Variants in ITPR2 observed in about 807,000 individuals in gnomAD.
The protein encoded by ITPR2 is inositol 1,4,5-trisphosphate-gated calcium channel ITPR2.
In ITPR2, 207 loss-of-function variants were observed where a neutral mutation model predicts 317.1. The observed-to-expected ratio is 0.65, with a 90% confidence interval of 0.58 to 0.73. ITPR2 has a LOEUF of 0.73. Among genes scored for constraint, ITPR2 ranks in the 30% least tolerant of loss-of-function variants. The pLI, the probability that ITPR2 is intolerant of heterozygous loss-of-function variation, is 0.00. For synonymous variants in ITPR2, 1,156 were observed against 1,149.1 expected, an observed-to-expected ratio of 1.01 and a Z score of -0.12; for missense variants, 2,613 against 3,284.0, an observed-to-expected ratio of 0.80 and a Z score of 4.99.
At chr12:26,343,915 G>C (rs1938217932) in intron 55 of ITPR2, among the ~76,000 whole-genome samples, 1 of 152,108 alleles carries the variant, frequency 6.6e-6, no homozygotes, top group Non-Finnish European at 1.5e-5. Context: ...TTGAATGCTT[G>C]TCCCCTCCAA....
At position 26,605,087 on chromosome 12, in the gene ITPR2, CAA is replaced by C. The variant is rs201682839; in HGVS notation, c.3463-2383_3463-2382del. On this transcript the variant is annotated intron_variant, in intron 26 of 56. Coordinates refer to ENST00000381340, the MANE Select transcript of ITPR2 (RefSeq NM_002223.4). ...TGGGCGACAGAGCATGACTCAGTCT[CAA>C]AAAAAAAAAAAATAAAAATAAAAAA... 4.7e-3 allele frequency among the ~76,000 whole-genome samples: 313 copies of C among 66,840 alleles called. 2 individuals carry two copies. The highest frequency in any genetic ancestry group is 0.013 in the African/African-American group (279 of 20,710). The allele number at this position is 66,840 out of a possible 152,430, so 43.8% of individuals were successfully genotyped here. A position where few individuals can be genotyped will look rare whatever the true frequency, so the allele number is the denominator to read the frequency against.
In ITPR2 at chr12:26,631,820, A is replaced by G. The variant is rs754407223; in HGVS notation, c.2934+46T>C. Reference sequence around the variant, plus strand: ...AAAAAGGGTAAGAAGTTAAATCAATAAGCAAAATTACATCTTTGTCACCTA... The same window carrying G: ...AAAAAGGGTAAGAAGTTAAATCAATGAGCAAAATTACATCTTTGTCACCTA... On this transcript the variant is annotated intron_variant, in intron 22 of 56. Transcript: ENST00000381340. 3 of 1,544,338 alleles carry G rather than the reference A, an allele frequency of 1.9e-6. No homozygotes were observed. The East Asian group carries it at 6.8e-5, about 35-fold the overall frequency.
intron 39 of ITPR2, among the ~76,000 whole-genome samples, chr12:26,492,103 T>C (rs758068652): frequency 2.6e-5 from 4 of 151,828 alleles, no homozygotes; most frequent in African/African-American, 9.7e-5. Flanking sequence ...TAAGAAGAAA[T>C]GGTAGGAGGT....
At chr12:26,565,553 A>G (rs2137037655) in intron 34 of ITPR2, among the ~76,000 whole-genome samples, 1 of 149,160 alleles carries the variant, frequency 6.7e-6, no homozygotes, top group Non-Finnish European at 1.5e-5. Flanking sequence ...TAGATAGATA[A>G]TCTGGCTTGC....
chr12:26,342,745 G>C (rs1196903666), intron 55 of ITPR2, among the ~76,000 whole-genome samples: 3 of 152,098 alleles, frequency 2.0e-5, no homozygotes, highest in African/African-American at 7.2e-5. Flanking sequence ...GAGTAGCTGG[G>C]ATTATAGGTG....
chr12:26,533,402 G>A (rs746245346), intron 37 of ITPR2, among the ~76,000 whole-genome samples: 6 of 152,146 alleles, frequency 3.9e-5, no homozygotes, highest in African/African-American at 7.2e-5. Context: ...GTAGATGCCC[G>A]CAAGCTGCTC....
chr12:26,474,484 G>A (rs1012565501), intron 45 of ITPR2, among the ~76,000 whole-genome samples: 3 of 152,146 alleles, frequency 2.0e-5, no homozygotes, highest in Non-Finnish European at 2.9e-5. Context: ...GTTATAAAAT[G>A]GAAACAGTTC....
intron 2 of ITPR2, among the ~76,000 whole-genome samples, chr12:26,768,433 AAT>A (rs1446137346): frequency 1.0e-5 from 1 of 99,346 alleles, no homozygotes; most frequent in African/African-American, 3.4e-5. Flanking sequence ...ATTAAAAAAA[AAT>A]AAAAAATAAA....
At chr12:26,356,282 C>T (rs1034286238) in intron 55 of ITPR2, among the ~76,000 whole-genome samples, 2 of 152,196 alleles carry the variant, frequency 1.3e-5, no homozygotes, top group African/African-American at 2.4e-5. Context: ...TCACCTCCAC[C>T]TTTACTTGGC....
rs140819819 is a variant in ITPR2, at chr12:26,817,103, C to T, written c.92+15587G>A. ...AGCTGAGGCAGGAGAATCACTTGAA[C>T]CCGGGAGGCAGAGGTTGCAGTGAGC... is the stretch of plus-strand genomic sequence containing the variant. On this transcript the variant is annotated intron_variant, in intron 1 of 56. Transcript: ENST00000381340. Among the ~76,000 whole-genome samples, 658 of 150,526 alleles carry T rather than the reference C, an allele frequency of 4.4e-3. 7 individuals are homozygous for T. Among genetic ancestry groups the T allele is most frequent in the African/African-American group, 0.016 (635 of 40,800 alleles).
rs186420055 is a variant in ITPR2 at position 26,819,915 on chromosome 12, A to C, written c.92+12775T>G. Among the ~76,000 whole-genome samples the C allele has an allele frequency of 7.0e-3, 1,062 of 152,016 alleles. 10 individuals carry two copies. Among genetic ancestry groups the C allele is most frequent in the African/African-American group, 0.024 (976 of 41,470 alleles). On this transcript the variant is annotated intron_variant, in intron 1 of 56. Transcript: ENST00000381340. ...AACCCCATCTCTACTAAAAATACCC[A>C]AAAAAATTAGCTGGGCATGGTGGCA... is the stretch of plus-strand genomic sequence containing the variant.
At chr12:26,483,529 A>G (rs1316592515) in intron 42 of ITPR2, among the ~76,000 whole-genome samples, 169 bp downstream of exon 42, 2 of 152,242 alleles carry the variant, frequency 1.3e-5, no homozygotes, top group Non-Finnish European at 2.9e-5. Context: ...GAAATTATCT[A>G]CAAATACAGC....
At chr12:26,631,081 T>C (rs1001513131) in intron 22 of ITPR2, among the ~76,000 whole-genome samples, 4 of 152,208 alleles carry the variant, frequency 2.6e-5, no homozygotes, top group Non-Finnish European at 5.9e-5. Flanking sequence ...TATTAAATTA[T>C]GATGAAAGAC....
chr12:26,609,704 A>C (rs1158091844), intron 26 of ITPR2, among the ~76,000 whole-genome samples: 1 of 152,244 alleles, frequency 6.6e-6, no homozygotes, highest in Non-Finnish European at 1.5e-5. Flanking sequence ...ATCAATTTAA[A>C]TGTGGTTAGA....
intron 32 of ITPR2, among the ~76,000 whole-genome samples, chr12:26,585,051 C>T (rs757515309): frequency 1.3e-5 from 2 of 152,052 alleles, no homozygotes; most frequent in Non-Finnish European, 2.9e-5. Flanking sequence ...TTTAAACAGA[C>T]AACATTTTCA....
At chr12:26,565,453 TA>T (rs60370386) in intron 34 of ITPR2, among the ~76,000 whole-genome samples, 28,724 of 149,800 alleles carry the variant, frequency 0.19, 3,032 homozygotes, top group Non-Finnish European at 0.24. Context: ...AAGGAAGGGA[TA>T]AAAAAAAATT....
At chr12:26,772,534 A>ACATGTATTATATATATAAT (rs1949885337) in intron 2 of ITPR2, among the ~76,000 whole-genome samples, 1 of 138,002 alleles carries the variant, frequency 7.2e-6, no homozygotes, top group Non-Finnish European at 1.6e-5. Flanking sequence ...TATATATAAT[A>ACATGTATTATATATATAAT]CATGTATTAT....
At chr12:26,796,761 A>G (rs941572008) in intron 1 of ITPR2, among the ~76,000 whole-genome samples, 8 of 152,148 alleles carry the variant, frequency 5.3e-5, no homozygotes, top group African/African-American at 1.7e-4. Flanking sequence ...CAGGCGTGGC[A>G]GCTCACACCT....
chr12:26,712,869 T>C (rs1296974948), intron 8 of ITPR2, among the ~76,000 whole-genome samples: 4 of 152,270 alleles, frequency 2.6e-5, no homozygotes, highest in Admixed American at 2.0e-4. Flanking sequence ...GCATTTAATA[T>C]GCAGTGACCA....
Sources: gnomAD v4.1 joint callset for allele counts (sites outside exome capture counted in the v4.1 genomes callset) on GRCh38, gnomAD v4.1.1 for gene constraint, MANE v1.5 for transcripts, NCBI Gene and HGNC (gene_info 2026-07-23, HGNC 2026-07-21) for gene names.